Variants in PCNX1 observed in about 807,000 individuals in gnomAD.
PCNX1 encodes the protein pecanex 1.
In PCNX1, 78 loss-of-function variants were observed where a neutral mutation model predicts 242.2. That is an observed-to-expected ratio of 0.32 (90% CI 0.27 to 0.39). The LOEUF (loss-of-function observed/expected upper bound fraction) is 0.39. PCNX1 is among the 10% of genes least tolerant of loss of function. The probability of loss-of-function intolerance (pLI) is 1.00; values close to 1 mark genes in which losing one functional copy is unlikely to be tolerated. For synonymous variants in PCNX1, 1,024 were observed against 1,032.9 expected (o/e 0.99, Z 0.17); for missense variants, 2,581 against 2,856.5 (o/e 0.90, Z 2.20).
At chr14:71,052,267 A>C (rs2061058099) in intron 24 of PCNX1, among the ~76,000 whole-genome samples, 1 of 149,486 alleles carries the variant, frequency 6.7e-6, no homozygotes, top group Non-Finnish European at 1.5e-5. Flanking sequence ...GCTGGAGTGC[A>C]GTGGTGCGTC....
intron 2 of PCNX1, among the ~76,000 whole-genome samples, chr14:70,957,130 G>A (rs568021811): frequency 1.1e-3 from 165 of 152,066 alleles, no homozygotes; most frequent in African/African-American, 4.0e-3. Flanking sequence ...TGAGTTGCTG[G>A]GAGTACAGGC....
chr14:71,088,030 G>GA (rs2062037116), intron 28 of PCNX1, among the ~76,000 whole-genome samples: 1 of 151,826 alleles, frequency 6.6e-6, no homozygotes, highest in Non-Finnish European at 1.5e-5. Flanking sequence ...GGTAATATCA[G>GA]TAATCTCAGT....
chr14:71,045,261 G>T lies in PCNX1; in HGVS notation c.3996G>T (p.Glu1332Asp), dbSNP rs1392031073. 6.2e-7 allele frequency: 1 copy of T among 1,605,456 alleles called. No homozygotes were observed. Among genetic ancestry groups the T allele is most frequent in the Non-Finnish European group, 8.5e-7 (1 of 1,177,424 alleles). The change falls in exon 20 of 36, where the codon GAG becomes GAT. Residue 1332 changes from glutamate (E) to aspartate (D), a missense_variant. Glu to Asp is a conservative substitution (Grantham distance 45). Coordinates refer to ENST00000304743, the MANE Select transcript of PCNX1 (RefSeq NM_014982.3). ...CFSHPLLKTL[E>D]YNQYEVRNAA... ...CTCATCCTCTGCTAAAGACACTAGA[G>T]TATAATCAGTATGAAGTTCGAAGTA...
At chr14:70,966,642 T>G (rs1409459750) in intron 3 of PCNX1, among the ~76,000 whole-genome samples, 1 of 152,218 alleles carries the variant, frequency 6.6e-6, no homozygotes, top group Non-Finnish European at 1.5e-5. Context: ...TGACCAATTT[T>G]GGAACAAAAT....
At chr14:70,949,292 T>TGTATGCACACAC (rs1342425043) in intron 2 of PCNX1, among the ~76,000 whole-genome samples, 9 of 106,856 alleles carry the variant, frequency 8.4e-5, no homozygotes, top group East Asian at 7.1e-4. Context: ...TACACACACG[T>TGTATGCACACAC]GTGTACACAC....
At position 71,068,270 on chromosome 14, in the gene PCNX1, GC is replaced by G. The variant is rs2061496644; in HGVS notation, c.4853-5274del. Among the ~76,000 whole-genome samples the G allele has an allele frequency of 7.9e-5, 12 of 152,058 alleles. No homozygotes were observed. In the South Asian group the frequency reaches 1.9e-3, roughly 24 times the overall value. The stretch of plus-strand genomic sequence containing the variant: ...CGCTTGAACCCAGGAGGTGGAGGGT[GC>G]TGTGAGCAAAGATTGTGCCACTGCA... On this transcript the variant is annotated intron_variant, in intron 26 of 35. Coordinates refer to ENST00000304743, the MANE Select transcript of PCNX1 (RefSeq NM_014982.3).
Position 71,110,206 on chromosome 14 carries a change from C to T in PCNX1, c.*271C>T, listed in dbSNP as rs971036284. 7 of 444,226 alleles carry T rather than the reference C, an allele frequency of 1.6e-5. No individual in the cohort carries two copies. The highest frequency in any genetic ancestry group is 2.9e-5 in the Non-Finnish European group (7 of 241,656). 27.5% of individuals were successfully genotyped at this position (444,226 alleles called of 1,614,324 possible). A position where few individuals can be genotyped will look rare whatever the true frequency, so the allele number is the denominator to read the frequency against. On this transcript the variant is annotated 3_prime_UTR_variant, in exon 36 of 36. Coordinates refer to ENST00000304743, the MANE Select transcript of PCNX1 (RefSeq NM_014982.3). The stretch of plus-strand genomic sequence containing the variant: ...GGATAAAGTTCTGTTAAAATACATC[C>T]TTAAAAAAAGTTTTTCCTATGCATT...
intron 1 of PCNX1, among the ~76,000 whole-genome samples, chr14:70,926,037 C>T (rs1402895203): frequency 1.3e-5 from 2 of 152,118 alleles, no homozygotes; most frequent in African/African-American, 4.8e-5. Context: ...CAGAGCTGTC[C>T]TTCCCATCTC....
At chr14:71,083,949 C>T (rs61990447) in intron 28 of PCNX1, among the ~76,000 whole-genome samples, 22,390 of 152,108 alleles carry the variant, frequency 0.15, 2,010 homozygotes, top group African/African-American at 0.25. Context: ...TTGGAATTTT[C>T]GGCCTTTTTG....
chr14:71,104,013 A>G (rs761660751), intron 32 of PCNX1, among the ~76,000 whole-genome samples: 2 of 152,228 alleles, frequency 1.3e-5, no homozygotes, highest in South Asian at 2.1e-4. Context: ...AGAGAAAAAC[A>G]TAACATGCAA....
rs1326000403 is a variant in PCNX1, at chr14:70,978,642, A to G, written c.2305A>G (p.Ser769Gly). The G allele has an allele frequency of 1.2e-6, 2 of 1,606,608 alleles. No homozygotes were observed. The highest frequency in any genetic ancestry group is 2.7e-5 in the African/African-American group (2 of 74,662). Residue 769 changes from serine (S) to glycine (G), a missense_variant, in exon 6 of 36, where the codon AGT becomes GGT. Coordinates refer to ENST00000304743, the MANE Select transcript of PCNX1 (RefSeq NM_014982.3). ...TGAAGGGGAAGAGCAAGATGCAGTC[A>G]GTGGAGGTAAGTAAACTGTAAGAAG... ...FPEGEEQDAV[S>G]GAAQASEEAV...
intron 30 of PCNX1, among the ~76,000 whole-genome samples, chr14:71,091,221 T>C (rs1332472706): frequency 1.3e-5 from 2 of 152,150 alleles, no homozygotes; most frequent in Non-Finnish European, 1.5e-5. Flanking sequence ...TGATCGTCAC[T>C]TTGAGCAAGA....
At chr14:70,946,521 A>G (rs1204636838) in intron 1 of PCNX1, among the ~76,000 whole-genome samples, 2 of 152,244 alleles carry the variant, frequency 1.3e-5, no homozygotes, top group Non-Finnish European at 2.9e-5. Context: ...ATGTAATTTA[A>G]CATTTTCTAG....
chr14:71,100,012 T>C (rs78357669), intron 30 of PCNX1, among the ~76,000 whole-genome samples: 2 of 152,122 alleles, frequency 1.3e-5, no homozygotes, highest in South Asian at 2.1e-4. Context: ...CTTTTTTTTT[T>C]AATCTACCTT....
rs188201652 is a variant in PCNX1, at chr14:71,111,874, A to G, written c.*1939A>G. On this transcript the variant is annotated 3_prime_UTR_variant, in exon 36 of 36. Transcript: ENST00000304743. ...CAAAAGTACCCTTTCTAAATTGACC[A>G]TTTAAAAATGTATTTTTGTGATACC... is the stretch of plus-strand genomic sequence containing the variant. 3.9e-5 allele frequency: 6 copies of G among 152,650 alleles called. No individual in the cohort carries two copies. Among genetic ancestry groups the G allele is most frequent in the African/African-American group, 1.4e-4 (6 of 41,580 alleles). The allele number at this position is 152,650 out of a possible 1,614,324, so 9.5% of individuals were successfully genotyped here.
chr14:71,013,555 T>A (rs1233975345), intron 11 of PCNX1, among the ~76,000 whole-genome samples: 4 of 152,052 alleles, frequency 2.6e-5, no homozygotes, highest in Non-Finnish European at 4.4e-5. Context: ...AAACTTCTGT[T>A]TCCCTGGTTC....
intron 26 of PCNX1, among the ~76,000 whole-genome samples, chr14:71,071,430 A>G (rs1231907736): frequency 6.6e-6 from 1 of 152,100 alleles, no homozygotes; most frequent in Non-Finnish European, 1.5e-5. Flanking sequence ...GAATTGTAAT[A>G]CCCAGTGTTG....
At chr14:70,961,246 C>T (rs1357853803) in intron 2 of PCNX1, among the ~76,000 whole-genome samples, 3 of 152,080 alleles carry the variant, frequency 2.0e-5, no homozygotes, top group East Asian at 1.9e-4. Flanking sequence ...GGAGGCGTCA[C>T]GCTACCTGAC....
intron 1 of PCNX1, among the ~76,000 whole-genome samples, chr14:70,921,919 C>T (rs1353600454): frequency 6.6e-6 from 1 of 152,108 alleles, no homozygotes; most frequent in Non-Finnish European, 1.5e-5. Context: ...TCTATTGGTA[C>T]ATTTGGAGGG....
Sources: gnomAD v4.1 joint callset for allele counts (sites outside exome capture counted in the v4.1 genomes callset) on GRCh38, gnomAD v4.1.1 for gene constraint, MANE v1.5 for transcripts, NCBI Gene and HGNC (gene_info 2026-07-23, HGNC 2026-07-21) for gene names.